Variants in DISC1 observed in about 807,000 individuals in gnomAD.
DISC1 encodes the protein DISC1 scaffold protein.
A neutral mutation model predicts 84.5 loss-of-function variants in DISC1; 57 were observed. That is an observed-to-expected ratio of 0.67 (90% confidence interval 0.55 to 0.84). The LOEUF is 0.84. Among genes scored for constraint, DISC1 ranks in the 40% least tolerant of loss-of-function variants. The pLI, the probability that DISC1 is intolerant of heterozygous loss-of-function variation, is 0.00. For missense variants in DISC1, 1,000 were observed against 1,057.8 expected (o/e 0.95, Z 0.76); for synonymous variants, 411 against 415.2 (o/e 0.99, Z 0.12).
intron 6 of DISC1, among the ~76,000 whole-genome samples, chr1:231,790,050 T>C (rs1287374696): frequency 1.3e-5 from 2 of 152,166 alleles, no homozygotes; most frequent in African/African-American, 2.4e-5. Context: ...TCCTAAACTA[T>C]AGACAAGAAT....
intron 9 of DISC1, among the ~76,000 whole-genome samples, chr1:231,847,922 C>G (rs1310059969): frequency 6.6e-6 from 1 of 152,102 alleles, no homozygotes. Context: ...CAAATATTTG[C>G]CAAGTGAATG....
At chr1:231,722,130 C>A (rs904037091) in intron 3 of DISC1, among the ~76,000 whole-genome samples, 3 of 138,116 alleles carry the variant, frequency 2.2e-5, no homozygotes, top group African/African-American at 8.2e-5. Context: ...TCCAGCCTGG[C>A]GACATAGCAA....
At position 231,823,991 on chromosome 1, in the gene DISC1, A is replaced by G. The variant is rs147299969; in HGVS notation, c.1981+5474A>G. Among the ~76,000 whole-genome samples, 1,070 of 152,316 alleles carry G rather than the reference A, an allele frequency of 7.0e-3. 6 individuals are homozygous for G. The highest frequency in any genetic ancestry group is 0.01 in the Non-Finnish European group (692 of 68,022). The stretch of plus-strand genomic sequence containing the variant: ...AGATATTAAACTGTCGAGGTGAATT[A>G]GGGCTTGGGCTAGTGAAGTTTAAAT... On this transcript the variant is annotated intron_variant, in intron 9 of 12. Coordinates refer to ENST00000439617, the MANE Select transcript of DISC1 (RefSeq NM_018662.3).
chr1:231,990,121 A>C (rs952907728), intron 10 of DISC1, among the ~76,000 whole-genome samples: 1 of 151,976 alleles, frequency 6.6e-6, no homozygotes, highest in Admixed American at 6.6e-5. Context: ...TCTGTGTAAT[A>C]CTTAGGGCCA....
intron 10 of DISC1, among the ~76,000 whole-genome samples, chr1:231,980,949 A>C (rs972006547): frequency 6.6e-6 from 1 of 152,176 alleles, no homozygotes; most frequent in African/African-American, 2.4e-5. Flanking sequence ...CGCCTTTTAT[A>C]TTAGGTTAAA....
intron 9 of DISC1, among the ~76,000 whole-genome samples, chr1:231,914,159 C>A (rs534466415): frequency 2.6e-5 from 4 of 152,256 alleles, no homozygotes; most frequent in South Asian, 4.1e-4. Context: ...ATACGGCTGC[C>A]CCACCTGTGA....
chr1:231,780,093 G>T (rs1055709528), intron 6 of DISC1, among the ~76,000 whole-genome samples: 8 of 151,804 alleles, frequency 5.3e-5, no homozygotes, highest in Admixed American at 2.0e-4. Context: ...GTTGTGGGCT[G>T]GGGGGAGGGG....
chr1:231,895,046 A>G (rs1469155586), intron 9 of DISC1, among the ~76,000 whole-genome samples: 3 of 150,864 alleles, frequency 2.0e-5, no homozygotes, highest in South Asian at 4.2e-4. Flanking sequence ...TTGACTTTAA[A>G]TCTACTATCT....
At chr1:231,747,623 A>T (rs1296825286) in intron 3 of DISC1, among the ~76,000 whole-genome samples, 4 of 152,176 alleles carry the variant, frequency 2.6e-5, no homozygotes, top group Non-Finnish European at 5.9e-5. Context: ...CGGTCCGTGT[A>T]TCTAATTTTA....
intron 9 of DISC1, among the ~76,000 whole-genome samples, chr1:231,910,234 T>C (rs2089075876): frequency 6.6e-6 from 1 of 152,236 alleles, no homozygotes; most frequent in South Asian, 2.1e-4. Flanking sequence ...ATGTGTTTGC[T>C]CTTGCTTCTC....
intron 10 of DISC1, among the ~76,000 whole-genome samples, chr1:231,988,164 C>T (rs148727185): frequency 6.6e-6 from 1 of 152,164 alleles, no homozygotes; most frequent in African/African-American, 2.4e-5. Context: ...CCAGCCTGGG[C>T]GACAGAGTGA....
In DISC1 at chr1:231,909,382, G is replaced by C. The variant is rs560838169; in HGVS notation, c.1982-49446G>C. ...TTTATTGAGAGTTTTTAGCATGAAG[G>C]GCTGTTGAATTTTGTCGAAGGCCTT... On this transcript the variant is annotated intron_variant, in intron 9 of 12. Coordinates refer to ENST00000439617, the MANE Select transcript of DISC1 (RefSeq NM_018662.3). Among the ~76,000 whole-genome samples, 286 of 152,256 alleles carry C rather than the reference G, an allele frequency of 1.9e-3. 1 individual carries two copies. Among genetic ancestry groups the C allele is most frequent in the African/African-American group, 6.2e-3 (259 of 41,544 alleles).
chr1:231,989,410 C>G (rs926613435), intron 10 of DISC1, among the ~76,000 whole-genome samples: 2 of 152,244 alleles, frequency 1.3e-5, no homozygotes, highest in African/African-American at 2.4e-5. Flanking sequence ...AATCTGTTCA[C>G]TTACTGGCGG....
chr1:231,727,278 A>G (rs914901597), intron 3 of DISC1, among the ~76,000 whole-genome samples: 1 of 151,962 alleles, frequency 6.6e-6, no homozygotes, highest in African/African-American at 2.4e-5. Flanking sequence ...TGCTACTGAT[A>G]TTTTTGCTAG....
chr1:231,652,410 C>A (rs1009654486), intron 1 of DISC1, among the ~76,000 whole-genome samples: 1 of 152,116 alleles, frequency 6.6e-6, no homozygotes, highest in Non-Finnish European at 1.5e-5. Flanking sequence ...TCAGGATACT[C>A]AATATTGAAT....
intron 6 of DISC1, among the ~76,000 whole-genome samples, chr1:231,794,306 C>A (rs1181989233): frequency 1.3e-5 from 2 of 152,024 alleles, no homozygotes; most frequent in Admixed American, 6.6e-5. Flanking sequence ...GTAAGCTTTC[C>A]CACCAATCTC....
intron 6 of DISC1, among the ~76,000 whole-genome samples, chr1:231,785,627 C>T (rs1015343001): frequency 2.6e-5 from 4 of 152,024 alleles, no homozygotes; most frequent in East Asian, 1.9e-4. Context: ...GCCCAAGTGG[C>T]GCCTGTGCTA....
intron 9 of DISC1, among the ~76,000 whole-genome samples, chr1:231,884,019 G>A (rs9432043): frequency 0.035 from 5,357 of 152,122 alleles, 326 homozygotes; most frequent in African/African-American, 0.12. Context: ...AGGGTGGGTG[G>A]CAGGGGAATG....
At chr1:231,981,123 T>C (rs369721773) in intron 10 of DISC1, among the ~76,000 whole-genome samples, 2 of 152,142 alleles carry the variant, frequency 1.3e-5, no homozygotes, top group South Asian at 2.1e-4. Flanking sequence ...TTAAAATTTT[T>C]TGTAGAGATG....
Sources: allele counts gnomAD v4.1 joint callset (sites outside exome capture counted in the v4.1 genomes callset), GRCh38; gene constraint gnomAD v4.1.1; transcripts MANE v1.5; gene names NCBI Gene and HGNC (gene_info 2026-07-23, HGNC 2026-07-21).